The following GAREM1 variants were observed in gnomAD, a reference collection of about 807,000 sequenced individuals.
GAREM1 encodes the protein GRB2-associated and regulator of MAPK protein 1.
In GAREM1, 26 loss-of-function variants were observed where a neutral mutation model predicts 71.3. The ratio of observed to expected loss-of-function variants is 0.36; its 90% CI spans 0.27 to 0.51. The LOEUF (loss-of-function observed/expected upper bound fraction) is 0.51. Among genes scored for constraint, GAREM1 ranks in the 20% least tolerant of loss-of-function variants. The probability of loss-of-function intolerance (pLI) is 0.95; values close to 1 mark genes in which losing one functional copy is unlikely to be tolerated. For synonymous variants in GAREM1, 440 were observed against 433.2 expected (o/e 1.02, Z -0.20); for missense variants, 1,026 against 1,103.1 (o/e 0.93, Z 0.99).
intron 4 of GAREM1, among the ~76,000 whole-genome samples, chr18:32,273,610 TG>T (rs2041496142): frequency 6.6e-6 from 1 of 152,158 alleles, no homozygotes; most frequent in African/African-American, 2.4e-5. Context: ...CAGGGCCAAC[TG>T]GGAGTGTTTA....
At chr18:32,354,511 C>A (rs764055848) in intron 2 of GAREM1, among the ~76,000 whole-genome samples, 3 of 152,162 alleles carry the variant, frequency 2.0e-5, no homozygotes, top group Non-Finnish European at 2.9e-5. Flanking sequence ...TCTTTTTCAT[C>A]TATGATACAA....
chr18:32,470,292 C>G lies in GAREM1; in HGVS notation c.121+16G>C. The G allele has an allele frequency of 6.6e-7, 1 of 1,507,462 alleles. No homozygotes were observed. The highest frequency in any genetic ancestry group is 8.9e-7 in the Non-Finnish European group (1 of 1,126,962). The allele number at this position is 1,507,462 out of a possible 1,614,324, so 93.4% of individuals were successfully genotyped here. ...CTGTCCTCGCCCGTCTGCCCCGCGC[C>G]CCAGCTGGGACTCACCGTTGTCCAG... is the stretch of plus-strand genomic sequence containing the variant. On this transcript the variant is annotated intron_variant, in intron 1 of 5. Transcript: ENST00000269209. This position sits in a 1 kb window ranked among gnomAD's most constrained non-coding sequence, Gnocchi z 4.4.
intron 1 of GAREM1, among the ~76,000 whole-genome samples, chr18:32,418,907 C>A (rs1267747136): frequency 6.6e-6 from 1 of 152,208 alleles, no homozygotes; most frequent in Non-Finnish European, 1.5e-5. Flanking sequence ...CAAGTTACCA[C>A]AAACTTAGCA....
intron 1 of GAREM1, among the ~76,000 whole-genome samples, chr18:32,411,776 CA>C (rs1409472471): frequency 1.3e-5 from 2 of 151,922 alleles, no homozygotes; most frequent in Non-Finnish European, 2.9e-5. Flanking sequence ...ATATAAATTC[CA>C]AATAGAACCT....
intron 1 of GAREM1, among the ~76,000 whole-genome samples, chr18:32,417,649 A>G (rs1288416535): frequency 7.9e-5 from 12 of 152,272 alleles, no homozygotes; most frequent in Admixed American, 3.9e-4. Context: ...GTTCTCACTT[A>G]TCTGTGGGAT....
chr18:32,315,463 T>A (rs952839511), intron 2 of GAREM1, among the ~76,000 whole-genome samples: 3 of 146,840 alleles, frequency 2.0e-5, no homozygotes, highest in Non-Finnish European at 3.0e-5. Flanking sequence ...AGTATATATA[T>A]AAATATATAT....
chr18:32,430,978 G>A lies in GAREM1; in HGVS notation c.122-37943C>T, dbSNP rs149068649. On this transcript the variant is annotated intron_variant, in intron 1 of 5. Coordinates refer to ENST00000269209, the MANE Select transcript of GAREM1 (RefSeq NM_001242409.2). The stretch of plus-strand genomic sequence containing the variant: ...TCAGGGATATCACAGAGAGAAAGGA[G>A]TTCAACAGAGTGATCCTATAAATTT... 3.5e-3 allele frequency among the ~76,000 whole-genome samples: 526 copies of A among 152,266 alleles called. 4 individuals are homozygous for A. The highest frequency in any genetic ancestry group is 0.012 in the African/African-American group (504 of 41,560).
At chr18:32,373,150 A>G (rs1405929730) in intron 2 of GAREM1, among the ~76,000 whole-genome samples, 1 of 152,178 alleles carries the variant, frequency 6.6e-6, no homozygotes, top group African/African-American at 2.4e-5. Context: ...TTATTTTTAA[A>G]TGGAGAATGA....
intron 2 of GAREM1, among the ~76,000 whole-genome samples, chr18:32,342,276 C>T (rs1484921392): frequency 6.6e-6 from 1 of 152,102 alleles, no homozygotes; most frequent in African/African-American, 2.4e-5. Context: ...AGCACATTTA[C>T]CATCAATAAC....
At chr18:32,322,847 T>C (rs2047442881) in intron 2 of GAREM1, among the ~76,000 whole-genome samples, 1 of 152,222 alleles carries the variant, frequency 6.6e-6, no homozygotes, top group Non-Finnish European at 1.5e-5. Flanking sequence ...TTTTACTTCC[T>C]TTTGTGCTGT....
intron 2 of GAREM1, among the ~76,000 whole-genome samples, chr18:32,365,129 G>A (rs986536697): frequency 1.3e-5 from 2 of 151,982 alleles, no homozygotes; most frequent in African/African-American, 4.8e-5. Context: ...ATGAGCGGAG[G>A]GCTGTAAGAT....
intron 1 of GAREM1, among the ~76,000 whole-genome samples, chr18:32,460,009 T>C (rs1432044338): frequency 6.6e-6 from 1 of 152,006 alleles, no homozygotes; most frequent in Non-Finnish European, 1.5e-5. Flanking sequence ...ACATTTACCC[T>C]TTTTCTGGTA....
At chr18:32,294,369 G>C (rs1248398371) in intron 3 of GAREM1, among the ~76,000 whole-genome samples, 4 of 152,164 alleles carry the variant, frequency 2.6e-5, no homozygotes, top group Non-Finnish European at 4.4e-5. Flanking sequence ...TGGTGAATCT[G>C]GCTAAAGTGA....
rs111842706 is a variant in GAREM1, at chr18:32,464,152, G to A, written c.121+6156C>T. 1.4e-3 allele frequency among the ~76,000 whole-genome samples: 216 copies of A among 152,076 alleles called. 3 individuals are homozygous for A. Among genetic ancestry groups the A allele is most frequent in the African/African-American group, 4.9e-3 (203 of 41,508 alleles). ...CTAAAAATACAAAAATTAGTTGGGCGTGGTAGTGCATGCCTGTAAGCCCAG... is the reference window on the plus strand; with the variant it reads ...CTAAAAATACAAAAATTAGTTGGGCATGGTAGTGCATGCCTGTAAGCCCAG... On this transcript the variant is annotated intron_variant, in intron 1 of 5. Transcript: ENST00000269209.
In GAREM1 at chr18:32,443,841, C is replaced by T. The variant is rs535963354; in HGVS notation, c.121+26467G>A. ...CACAGATGTCCATATCAGCAATATT[C>T]GTAACAGCCCAAAGTGGAAACAATC... On this transcript the variant is annotated intron_variant, in intron 1 of 5. Transcript: ENST00000269209. Among the ~76,000 whole-genome samples the T allele has an allele frequency of 5.3e-5, 8 of 152,200 alleles. No individual in the cohort carries two copies. In the South Asian group the frequency reaches 6.2e-4, roughly 12 times the overall value.
intron 3 of GAREM1, among the ~76,000 whole-genome samples, chr18:32,301,452 G>A (rs573353253): frequency 1.3e-5 from 2 of 152,284 alleles, no homozygotes; most frequent in African/African-American, 2.4e-5. Flanking sequence ...GTGGCTAACC[G>A]GGTCTAAATT....
intron 2 of GAREM1, among the ~76,000 whole-genome samples, chr18:32,347,325 C>T (rs1196204876): frequency 2.0e-5 from 3 of 151,764 alleles, no homozygotes; most frequent in African/African-American, 4.8e-5. Flanking sequence ...AAAGTGAGAC[C>T]GTGTCTCAAA....
rs777928225 is a variant in GAREM1 at position 32,287,424 on chromosome 18, A to C, written c.1173T>G (p.Tyr391Ter). 6.2e-7 allele frequency: 1 copy of C among 1,614,216 alleles called. No homozygotes were observed. The highest frequency in any genetic ancestry group is 1.1e-5 in the South Asian group (1 of 91,078). ...QSFHRLSVCV[Y>*]GNNLHGNSEV... ...CACTGTTGCCATGGAGATTGTTGCC[A>C]TACACACAGACCGAGAGTCGGTGGA... The change falls in exon 4 of 6, where the codon TAT becomes TAG. Residue 391 changes from tyrosine (Y) to a stop codon, truncating the protein, a stop_gained. Transcript: ENST00000269209. LOFTEE classifies it high-confidence loss of function. This position sits in a 1 kb window ranked among gnomAD's most constrained non-coding sequence, Gnocchi z 5.9.
intron 1 of GAREM1, among the ~76,000 whole-genome samples, chr18:32,455,383 A>G (rs1238080666): frequency 1.6e-4 from 24 of 152,278 alleles, no homozygotes; most frequent in Non-Finnish European, 1.5e-5. Flanking sequence ...ACACACATAC[A>G]TTGAGAATAG....
Sources: gnomAD v4.1 joint callset for allele counts (sites outside exome capture counted in the v4.1 genomes callset) on GRCh38, gnomAD v4.1.1 for gene constraint, Gnocchi (gnomAD v3.1) non-coding constraint, MANE v1.5 for transcripts, NCBI Gene and HGNC (gene_info 2026-07-23, HGNC 2026-07-21) for gene names.